The following FOXP2 variants were observed in gnomAD, a reference collection of about 807,000 sequenced individuals.
FOXP2 encodes forkhead box P2.
FOXP2 carries 12 observed loss-of-function variants against 115.8 expected under a neutral mutation model. That is an observed-to-expected ratio of 0.10 (90% confidence interval 0.07 to 0.17). FOXP2 has a LOEUF of 0.17. FOXP2 is among the 10% of genes least tolerant of loss of function. The pLI is 1.00. For synonymous variants in FOXP2, 328 were observed against 297.7 expected, an observed-to-expected ratio of 1.10 and a Z score of -1.05; for missense variants, 629 against 843.5, an observed-to-expected ratio of 0.75 and a Z score of 3.15.
At chr7:114,358,832 T>A (rs988980311) in intron 2 of FOXP2, among the ~76,000 whole-genome samples, 1 of 151,922 alleles carries the variant, frequency 6.6e-6, no homozygotes, top group South Asian at 2.1e-4. Flanking sequence ...CACAAGGAGG[T>A]GGTTTGAAAT....
chr7:114,462,277 GAAAAAAAA>G (rs766244858), intron 2 of FOXP2, among the ~76,000 whole-genome samples: 60 of 20,802 alleles, frequency 2.9e-3, no homozygotes, highest in African/African-American at 8.7e-3. Flanking sequence ...GAGACTCCGT[GAAAAAAAA>G]AAAAAAAAAA....
At chr7:114,224,509 T>G (rs1794702636) in intron 1 of FOXP2, among the ~76,000 whole-genome samples, 1 of 152,210 alleles carries the variant, frequency 6.6e-6, no homozygotes, top group Non-Finnish European at 1.5e-5. Context: ...TTAGCTATTA[T>G]GCAAAAATAA....
chr7:114,297,049 T>G, intron 2 of FOXP2: 1 of 373,764 alleles, frequency 2.7e-6, no homozygotes, highest in Non-Finnish European at 5.2e-6. Context: ...ATATCCACTA[T>G]ATGCATTTTT....
intron 3 of FOXP2, among the ~76,000 whole-genome samples, chr7:114,547,424 ACCGGAAGT>A (rs1799980916): frequency 6.6e-6 from 1 of 152,096 alleles, no homozygotes; most frequent in Non-Finnish European, 1.5e-5. Flanking sequence ...TCACTAGGGA[ACCGGAAGT>A]GAGATACCTG....
chr7:114,195,829 C>A (rs1467594359), intron 1 of FOXP2, among the ~76,000 whole-genome samples: 1 of 151,948 alleles, frequency 6.6e-6, no homozygotes, highest in Non-Finnish European at 1.5e-5. Context: ...TATTTTGTGA[C>A]AACTAATGCA....
intron 2 of FOXP2, among the ~76,000 whole-genome samples, chr7:114,462,496 TG>T (rs1795619110): frequency 6.7e-6 from 1 of 148,648 alleles, no homozygotes; most frequent in African/African-American, 2.5e-5. Flanking sequence ...CTCAGCCTCC[TG>T]AGTAGCTGGG....
chr7:114,177,262 A>G (rs76964514), intron 1 of FOXP2, among the ~76,000 whole-genome samples: 1 of 152,318 alleles, frequency 6.6e-6, no homozygotes, highest in East Asian at 1.9e-4. Flanking sequence ...TGCCTGTATT[A>G]TAGGTTATCT....
intron 1 of FOXP2, among the ~76,000 whole-genome samples, chr7:114,271,933 T>C (rs960482007): frequency 3.8e-5 from 5 of 131,202 alleles, no homozygotes; most frequent in East Asian, 2.1e-4. Flanking sequence ...ATTATTATAA[T>C]ATTAATATAT....
intron 2 of FOXP2, among the ~76,000 whole-genome samples, chr7:114,469,533 T>G (rs763621273): frequency 1.3e-5 from 2 of 152,212 alleles, no homozygotes; most frequent in African/African-American, 2.4e-5. Flanking sequence ...TTGGTATGCC[T>G]AGAATTATAG....
At chr7:114,581,739 G>A (rs941480378) in intron 3 of FOXP2, among the ~76,000 whole-genome samples, 10 of 152,096 alleles carry the variant, frequency 6.6e-5, no homozygotes, top group Non-Finnish European at 1.3e-4. Context: ...TTTTCACTGC[G>A]CTACAAATCC....
At chr7:114,590,184 A>T (rs1262301625) in intron 3 of FOXP2, among the ~76,000 whole-genome samples, 1 of 152,166 alleles carries the variant, frequency 6.6e-6, no homozygotes, top group African/African-American at 2.4e-5. Context: ...AATTTTGCTT[A>T]TTAATATAAT....
intron 2 of FOXP2, among the ~76,000 whole-genome samples, chr7:114,479,155 T>C (rs1030964835): frequency 2.6e-5 from 4 of 151,854 alleles, no homozygotes; most frequent in African/African-American, 9.7e-5. Flanking sequence ...CTTGTTCCTT[T>C]TCTAGACAAC....
At position 114,689,949 on chromosome 7, in the gene FOXP2, C is replaced by T. The variant is rs372543371; in HGVS notation, c.*23C>T. 6.8e-6 allele frequency: 11 copies of T among 1,611,652 alleles called. No homozygotes were observed. In the South Asian group the frequency reaches 7.7e-5, roughly 11 times the overall value. ...TGAGAACTGACTTGTGAAACCTCAG[C>T]GTGAAGGGACATATCACTGACCTTC... On this transcript the variant is annotated 3_prime_UTR_variant, in exon 17 of 17. Coordinates refer to ENST00000350908, the MANE Select transcript of FOXP2 (RefSeq NM_014491.4).
chr7:114,505,708 C>T (rs1351198037), intron 2 of FOXP2, among the ~76,000 whole-genome samples: 1 of 151,448 alleles, frequency 6.6e-6, no homozygotes, highest in Non-Finnish European at 1.5e-5. Context: ...TCATAGATGG[C>T]AGGTAGATAT....
chr7:114,364,046 A>T (rs1791817498), intron 2 of FOXP2, among the ~76,000 whole-genome samples: 1 of 148,482 alleles, frequency 6.7e-6, no homozygotes, highest in African/African-American at 2.4e-5. Flanking sequence ...TCCTAAATTT[A>T]TGAATTAGCC....
intron 2 of FOXP2, among the ~76,000 whole-genome samples, chr7:114,469,076 G>A (rs983119486): frequency 1.3e-5 from 2 of 151,964 alleles, no homozygotes; most frequent in African/African-American, 4.8e-5. Flanking sequence ...GCCTGTGATC[G>A]GCTCCTGTTC....
At chr7:114,105,266 A>G (rs1400914918) in intron 1 of FOXP2, among the ~76,000 whole-genome samples, 4 of 152,110 alleles carry the variant, frequency 2.6e-5, no homozygotes, top group East Asian at 3.9e-4. Flanking sequence ...TTTAGTGGTT[A>G]GTTTAAAATT....
At chr7:114,644,852 A>G (rs1056621601) in intron 8 of FOXP2, 63 bp downstream of exon 8, 2 of 1,217,828 alleles carry the variant, frequency 1.6e-6, no homozygotes, top group Non-Finnish European at 2.4e-6. Context: ...TTTTAGGCAC[A>G]TTGTAAATAA....
chr7:114,504,724 T>A (rs1037554507), intron 2 of FOXP2, among the ~76,000 whole-genome samples: 2 of 151,660 alleles, frequency 1.3e-5, no homozygotes, highest in African/African-American at 4.8e-5. Context: ...CATAGACAGA[T>A]GTTTTCTGTA....
Sources: gnomAD v4.1 joint callset for allele counts (sites outside exome capture counted in the v4.1 genomes callset) on GRCh38, gnomAD v4.1.1 for gene constraint, MANE v1.5 for transcripts, NCBI Gene and HGNC (gene_info 2026-07-23, HGNC 2026-07-21) for gene names.